The following CC2D2B variants were observed in gnomAD, a reference collection of about 807,000 sequenced individuals.
CC2D2B encodes the protein coiled-coil and C2 domain containing 2B.
In CC2D2B, 128 loss-of-function variants were observed where a neutral mutation model predicts 161.2. The ratio of observed to expected loss-of-function variants is 0.79; its 90% confidence interval spans 0.69 to 0.92. The LOEUF (loss-of-function observed/expected upper bound fraction) is 0.92. Among genes scored for constraint, CC2D2B ranks in the 40% least tolerant of loss-of-function variants. The pLI, the probability that CC2D2B is intolerant of heterozygous loss-of-function variation, is 0.00. For synonymous variants in CC2D2B, 391 were observed against 449.8 expected, an observed-to-expected ratio of 0.87 and a Z score of 1.65; for missense variants, 1,173 against 1,375.1, an observed-to-expected ratio of 0.85 and a Z score of 2.32.
chr10:95,959,545 C>A (rs1307717077), intron 11 of CC2D2B, among the ~76,000 whole-genome samples: 1 of 152,160 alleles, frequency 6.6e-6, no homozygotes, highest in African/African-American at 2.4e-5. Context: ...TAAAACCTGG[C>A]AACTGTATCA....
chr10:95,973,041 T>C (rs2077190038), intron 16 of CC2D2B, among the ~76,000 whole-genome samples: 1 of 152,046 alleles, frequency 6.6e-6, no homozygotes, highest in Admixed American at 6.6e-5. Flanking sequence ...GTCATTCCTC[T>C]CCTTCTCCCC....
intron 10 of CC2D2B, 79 bp from the exon 11 acceptor site, chr10:95,955,315 A>G (rs1195090281): frequency 2.5e-6 from 1 of 396,416 alleles, no homozygotes; most frequent in African/African-American, 2.1e-5. Context: ...TGCTGCACAC[A>G]CCTTGACCTA....
chr10:95,970,597 C>T (rs1471018129), intron 15 of CC2D2B, among the ~76,000 whole-genome samples: 1 of 152,192 alleles, frequency 6.6e-6, no homozygotes, highest in Admixed American at 6.5e-5. Flanking sequence ...GTACACTTAC[C>T]TTGCTGTCCA....
chr10:95,971,752 TGA>T (rs2077141624), intron 15 of CC2D2B, among the ~76,000 whole-genome samples: 2 of 152,240 alleles, frequency 1.3e-5, no homozygotes, highest in Admixed American at 1.3e-4. Flanking sequence ...CAGATTTACA[TGA>T]GATAAAGAAT....
chr10:95,971,413 A>T (rs1038673872), intron 15 of CC2D2B, among the ~76,000 whole-genome samples: 1 of 151,964 alleles, frequency 6.6e-6, no homozygotes, highest in Admixed American at 6.6e-5. Flanking sequence ...AAGAAAGAAA[A>T]AAGTTATAGT....
At chr10:95,939,352 A>G (rs2075941533) in intron 9 of CC2D2B, among the ~76,000 whole-genome samples, 1 of 152,132 alleles carries the variant, frequency 6.6e-6, no homozygotes, top group African/African-American at 2.4e-5. Flanking sequence ...ATAGAACTCC[A>G]TAGTATGAAA....
intron 6 of CC2D2B, among the ~76,000 whole-genome samples, chr10:95,930,742 A>G (rs79439558): frequency 6.6e-6 from 1 of 152,160 alleles, no homozygotes; most frequent in Non-Finnish European, 1.5e-5. Context: ...AAGCCCACTG[A>G]TCGTGGTGGA....
intron 24 of CC2D2B, among the ~76,000 whole-genome samples, chr10:96,001,577 C>A (rs914221727): frequency 1.3e-5 from 2 of 152,108 alleles, no homozygotes; most frequent in East Asian, 3.9e-4. Context: ...ATCCCAGCCA[C>A]CCCTTCTGAA....
chr10:96,004,744 C>T (rs183375576), intron 25 of CC2D2B, among the ~76,000 whole-genome samples: 12 of 152,288 alleles, frequency 7.9e-5, no homozygotes, highest in Admixed American at 5.9e-4. Flanking sequence ...CCAAAATAAA[C>T]GTTAGTTTCC....
At chr10:96,021,520 G>A (rs1314159340) in intron 32 of CC2D2B, 1 of 152,226 alleles carries the variant, frequency 6.6e-6, no homozygotes, top group African/African-American at 2.4e-5. Context: ...CCCAGTTGAT[G>A]CCAATGTGCA....
chr10:95,931,621 G>A (rs1288494964), intron 6 of CC2D2B, among the ~76,000 whole-genome samples: 1 of 152,100 alleles, frequency 6.6e-6, no homozygotes, highest in African/African-American at 2.4e-5. Flanking sequence ...ATTTATTTCT[G>A]CCTTAATTTT....
intron 12 of CC2D2B, 23 bp from the exon 13 acceptor site, chr10:95,965,873 T>C: frequency 1.0e-6 from 1 of 995,734 alleles, no homozygotes; most frequent in South Asian, 5.1e-5. Context: ...CTGCTTTCAA[T>C]AATTCTGTTT....
In CC2D2B at chr10:95,968,855, T is replaced by G. The variant is rs1259807006; in HGVS notation, c.1598T>G (p.Ile533Ser). 8.1e-7 allele frequency: 1 copy of G among 1,229,278 alleles called. No homozygotes were observed. The highest frequency in any genetic ancestry group is 1.6e-5 in the African/African-American group (1 of 64,354). 76.1% of individuals were successfully genotyped at this position (1,229,278 alleles called of 1,614,324 possible). A position where few individuals can be genotyped will look rare whatever the true frequency, so the allele number is the denominator to read the frequency against. The part of the protein sequence containing the change: ...QFDFKVMFQQ[I>S]FNIQLMYWPE... ...GATTTTAAAGTCATGTTTCAGCAAATTTTCAATATTCAGTTAATGTATTGG... is the reference window on the plus strand; with the variant it reads ...GATTTTAAAGTCATGTTTCAGCAAAGTTTCAATATTCAGTTAATGTATTGG... The change falls in exon 15 of 35, where the codon ATT (isoleucine) becomes AGT (serine). Residue 533 changes from isoleucine to serine, a missense_variant. Ile to Ser is a moderately radical substitution (Grantham distance 142, BLOSUM62 -2). Transcript: ENST00000646931.
chr10:95,911,645 G>C (rs925018674), intron 2 of CC2D2B, among the ~76,000 whole-genome samples: 1 of 152,030 alleles, frequency 6.6e-6, no homozygotes, highest in African/African-American at 2.4e-5. Flanking sequence ...TCCCTGCTTT[G>C]TTAAAAAAGA....
intron 2 of CC2D2B, chr10:95,919,358 C>G (rs1393614692): frequency 6.6e-6 from 1 of 152,172 alleles, no homozygotes; most frequent in Non-Finnish European, 1.5e-5. Context: ...ACCCCAAGTC[C>G]AGTAATGTGC....
chr10:95,979,427 G>C (rs539877365), intron 17 of CC2D2B, among the ~76,000 whole-genome samples: 2 of 152,216 alleles, frequency 1.3e-5, no homozygotes, highest in South Asian at 4.2e-4. Context: ...TAGACTCATA[G>C]CTTTCTAAAA....
intron 24 of CC2D2B, among the ~76,000 whole-genome samples, chr10:95,997,681 C>T (rs1471599797): frequency 2.0e-5 from 3 of 152,248 alleles, no homozygotes; most frequent in Admixed American, 6.5e-5. Flanking sequence ...AGCCACCACA[C>T]CTGGCCTGCT....
intron 17 of CC2D2B, among the ~76,000 whole-genome samples, chr10:95,980,213 G>A (rs1421508694): frequency 3.3e-5 from 5 of 151,384 alleles, no homozygotes; most frequent in Non-Finnish European, 5.9e-5. Context: ...GAGGGAGGGA[G>A]GGAAGGAGGG....
Position 96,019,804 on chromosome 10 carries a change from A to G in CC2D2B, c.3868A>G (p.Thr1290Ala). The G allele has an allele frequency of 6.2e-7, 1 of 1,606,206 alleles. No individual in the cohort carries two copies. The highest frequency in any genetic ancestry group is 8.5e-7 in the Non-Finnish European group (1 of 1,178,050). The change falls in exon 32 of 35, where the codon ACA (threonine) becomes GCA (alanine). Residue 1290 changes from threonine to alanine, a missense_variant. Coordinates refer to ENST00000646931, the MANE Select transcript of CC2D2B (RefSeq NM_001349008.3). ...GTTGCTTCCAAAAAACGTTCAAGGAACAAAAATACAAAGCATACAGGTAAA... is the reference window on the plus strand; with the variant it reads ...GTTGCTTCCAAAAAACGTTCAAGGAGCAAAAATACAAAGCATACAGGTAAA... ...KQLLPKNVQGTKIQSIQPEEI... is the reference protein window; with the variant it reads ...KQLLPKNVQGAKIQSIQPEEI...
Sources: gnomAD v4.1 joint callset for allele counts (sites outside exome capture counted in the v4.1 genomes callset) on GRCh38, gnomAD v4.1.1 for gene constraint, MANE v1.5 for transcripts, NCBI Gene and HGNC (gene_info 2026-07-23, HGNC 2026-07-21) for gene names.